The following TXNDC9 variants were observed in gnomAD, a reference collection of about 807,000 sequenced individuals.
The protein encoded by TXNDC9 is thioredoxin domain containing 9, also known as thioredoxin domain-containing protein 9.
TXNDC9 carries 7 observed loss-of-function variants against 23.0 expected under a neutral mutation model. That is an observed-to-expected ratio of 0.30 (90% confidence interval 0.17 to 0.57). The LOEUF is 0.57. Among genes scored for constraint, TXNDC9 ranks in the 20% least tolerant of loss-of-function variants. TXNDC9 has a pLI of 0.90. For missense variants in TXNDC9, 198 were observed against 252.6 expected, an observed-to-expected ratio of 0.78 and a Z score of 1.47; for synonymous variants, 72 against 90.6, an observed-to-expected ratio of 0.79 and a Z score of 1.17.
Position 99,333,235 on chromosome 2 carries a change from C to G in TXNDC9, c.-25G>C. ...TTCTTCCAAATGGTACAGAGTTCAGCCTGGGTGCTGGGGAGAAGATTTACA... is the reference window on the plus strand; with the variant it reads ...TTCTTCCAAATGGTACAGAGTTCAGGCTGGGTGCTGGGGAGAAGATTTACA... On this transcript the variant is annotated 5_prime_UTR_variant, in exon 2 of 5. Transcript: ENST00000264255. The G allele has an allele frequency of 1.3e-6, 2 of 1,598,998 alleles. No individual in the cohort carries two copies. Among genetic ancestry groups the G allele is most frequent in the Middle Eastern group, 3.3e-4 (2 of 6,004 alleles).
intron 2 of TXNDC9, 56 bp downstream of exon 2, chr2:99,332,965 TA>T (rs1317295144): frequency 2.2e-6 from 3 of 1,372,546 alleles, no homozygotes; most frequent in Non-Finnish European, 3.1e-6. Context: ...CATGTATATA[TA>T]AGTTGTTAGG....
At chr2:99,324,404 T>C (rs1162973007) in intron 3 of TXNDC9, among the ~76,000 whole-genome samples, 1 of 152,226 alleles carries the variant, frequency 6.6e-6, no homozygotes, top group Non-Finnish European at 1.5e-5. Context: ...TTTTTTCATA[T>C]GTTACTCATG....
chr2:99,306,695 C>G, the TXNDC9 span: 1 of 412,236 alleles, frequency 2.4e-6, no homozygotes, highest in Non-Finnish European at 5.0e-6. Flanking sequence ...CCGATCATCT[C>G]TCCCCACATT....
chr2:99,334,084 C>A (rs1454374863), intron 1 of TXNDC9, among the ~76,000 whole-genome samples: 1 of 152,198 alleles, frequency 6.6e-6, no homozygotes, highest in East Asian at 1.9e-4. Flanking sequence ...GGTGCTATGG[C>A]TCACGCCTGT....
At chr2:99,328,104 T>A (rs535528738) in intron 2 of TXNDC9, among the ~76,000 whole-genome samples, 28 of 152,064 alleles carry the variant, frequency 1.8e-4, no homozygotes, top group African/African-American at 5.3e-4. Context: ...TTTATTTATT[T>A]TTTTTTTGAG....
chr2:99,327,315 A>G (rs1389940135), intron 3 of TXNDC9, among the ~76,000 whole-genome samples: 1 of 151,546 alleles, frequency 6.6e-6, no homozygotes. Context: ...CAAGTGATCC[A>G]CCCCCCACTT....
Position 99,328,456 on chromosome 2 carries a change from C to T in TXNDC9, c.190-803G>A, listed in dbSNP as rs1285676425. On this transcript the variant is annotated intron_variant, in intron 2 of 4. Transcript: ENST00000264255. Reference sequence around the variant, plus strand: ...CAATTTACTTTCCTGTTTCTACTGTCAATGCAAAACTAGTCTACGGACAGT... The same window carrying T: ...CAATTTACTTTCCTGTTTCTACTGTTAATGCAAAACTAGTCTACGGACAGT... 4.6e-5 allele frequency among the ~76,000 whole-genome samples: 7 copies of T among 152,224 alleles called. 1 individual carries two copies. Among genetic ancestry groups the T allele is most frequent in the Middle Eastern group, 3.4e-3 (1 of 294 alleles).
rs1164471935 is a variant in TXNDC9, at chr2:99,327,797, T to G, written c.190-144A>C. ...TTTTTTTTTGTTTGTTTTTGTTTTT[T>G]TTTTTTGAGACGGAGTCTTGCTCTG... On this transcript the variant is annotated intron_variant, in intron 2 of 4. Coordinates refer to ENST00000264255, the MANE Select transcript of TXNDC9 (RefSeq NM_005783.4). 5.4e-6 allele frequency: 3 copies of G among 550,510 alleles called. No homozygotes were observed. In the East Asian group the frequency reaches 1.0e-4, roughly 19 times the overall value. 34.1% of individuals were successfully genotyped at this position (550,510 alleles called of 1,614,324 possible). A position where few individuals can be genotyped will look rare whatever the true frequency, so the allele number is the denominator to read the frequency against.
chr2:99,314,104 T>C (rs913422761), downstream of TXNDC9, among the ~76,000 whole-genome samples: 3 of 152,248 alleles, frequency 2.0e-5, no homozygotes, highest in African/African-American at 7.2e-5. Flanking sequence ...CTGATTGCTC[T>C]GCGGAATTTC....
In TXNDC9 at chr2:99,319,949, A is replaced by ATATAAGC. The variant is rs2094197615; in HGVS notation, c.564-151_564-150insGCTTATA. On this transcript the variant is annotated intron_variant, in intron 4 of 4. Coordinates refer to ENST00000264255, the MANE Select transcript of TXNDC9 (RefSeq NM_005783.4). The stretch of plus-strand genomic sequence containing the variant: ...GGGAAGAGGTATAATGCTTATATTG[A>ATATAAGC]TATTGATGGTTAATAGCCTTAAACC... The ATATAAGC allele has an allele frequency of 1.0e-5, 6 of 578,898 alleles. No individual in the cohort carries two copies. In the East Asian group the frequency reaches 1.8e-4, roughly 17 times the overall value. The allele number at this position is 578,898 out of a possible 1,614,324, so 35.9% of individuals were successfully genotyped here.
rs780399752 is a variant in TXNDC9 at position 99,333,102 on chromosome 2, C to T, written c.109G>A (p.Asp37Asn). The T allele has an allele frequency of 5.0e-6, 8 of 1,614,060 alleles. No homozygotes were observed. Among genetic ancestry groups the T allele is most frequent in the Non-Finnish European group, 6.8e-6 (8 of 1,180,012 alleles). ...TCCAATTCATCCTCATCCATCTGATCCAGTTTTTGAATTTCAGAATCCAAA... is the reference window on the plus strand; with the variant it reads ...TCCAATTCATCCTCATCCATCTGATTCAGTTTTTGAATTTCAGAATCCAAA... ...EHLDSEIQKL[D>N]QMDEDELERL... Residue 37 changes from aspartate to asparagine, a missense_variant, in exon 2 of 5, where the codon GAT (aspartate) becomes AAT (asparagine). Coordinates refer to ENST00000264255, the MANE Select transcript of TXNDC9 (RefSeq NM_005783.4).
intron 2 of TXNDC9, among the ~76,000 whole-genome samples, chr2:99,331,266 C>A (rs762508248): frequency 4.6e-5 from 7 of 151,896 alleles, no homozygotes; most frequent in Admixed American, 2.0e-4. Flanking sequence ...AATTATCAGC[C>A]CTATACTATG....
intron 2 of TXNDC9, among the ~76,000 whole-genome samples, chr2:99,329,252 CATAT>C (rs2094219669): frequency 6.6e-6 from 1 of 152,210 alleles, no homozygotes; most frequent in Non-Finnish European, 1.5e-5. Flanking sequence ...TCAAACATCA[CATAT>C]TGCCTAAGTT....
At chr2:99,311,855 T>C in the TXNDC9 span, among the ~76,000 whole-genome samples, 1 of 152,274 alleles carries the variant, frequency 6.6e-6, no homozygotes, top group Non-Finnish European at 1.5e-5. Flanking sequence ...AGTTTTATTA[T>C]ATTAGCCCAA....
At chr2:99,312,981 G>C in the TXNDC9 span, among the ~76,000 whole-genome samples, 1 of 152,030 alleles carries the variant, frequency 6.6e-6, no homozygotes, top group African/African-American at 2.4e-5. Context: ...TGACCAACAT[G>C]GAGAAACCCC....
intron 1 of TXNDC9, among the ~76,000 whole-genome samples, chr2:99,335,526 AATTGG>A (rs2094236758): frequency 6.6e-6 from 1 of 151,144 alleles, no homozygotes; most frequent in Non-Finnish European, 1.5e-5. Flanking sequence ...AGTGCTATAA[AATTGG>A]AAAGGTGCTG....
At chr2:99,335,984 C>G (rs1210495651) in intron 1 of TXNDC9, among the ~76,000 whole-genome samples, 2 of 152,248 alleles carry the variant, frequency 1.3e-5, no homozygotes, top group Non-Finnish European at 2.9e-5. Context: ...ATCAAGGGGC[C>G]TGGTCCTTAA....
rs866113364 is a variant in TXNDC9 at position 99,322,645 on chromosome 2, C to G, written c.309-436G>C. ...CATTACCGAGGAAAAACTTCTTACTCCTAAATATGCAACGCTGTCAGTAAG... is the reference window on the plus strand; with the variant it reads ...CATTACCGAGGAAAAACTTCTTACTGCTAAATATGCAACGCTGTCAGTAAG... On this transcript the variant is annotated intron_variant, in intron 3 of 4. Transcript: ENST00000264255. The G allele has an allele frequency of 5.8e-6, 9 of 1,541,884 alleles. No individual in the cohort carries two copies. The Middle Eastern group carries it at 8.4e-4, about 144-fold the overall frequency.
chr2:99,322,434 AT>A, intron 3 of TXNDC9: 1 of 1,256,290 alleles, frequency 8.0e-7, no homozygotes, highest in Non-Finnish European at 1.1e-6. Context: ...TCAGATTTGC[AT>A]TAATGATATT....
Sources: gnomAD v4.1 joint callset for allele counts (sites outside exome capture counted in the v4.1 genomes callset) on GRCh38, gnomAD v4.1.1 for gene constraint, MANE v1.5 for transcripts, NCBI Gene and HGNC (gene_info 2026-07-23, HGNC 2026-07-21) for gene names.